NAALADL2: variants seen among roughly 807,000 people sequenced by gnomAD.
The protein encoded by NAALADL2 is N-acetylated alpha-linked acidic dipeptidase like 2.
Under a neutral mutation model 87.2 loss-of-function variants are expected in NAALADL2, and 76 were observed. That is an observed-to-expected ratio of 0.87 (90% CI 0.72 to 1.05). The LOEUF (loss-of-function observed/expected upper bound fraction) is 1.05, where lower values mean the gene tolerates loss of function less well. Among genes scored for constraint, NAALADL2 ranks in the 50% least tolerant of loss-of-function variants. The probability of loss-of-function intolerance (pLI) is 0.00; values close to 1 mark genes in which losing one functional copy is unlikely to be tolerated. For synonymous variants in NAALADL2, 354 were observed against 331.0 expected (o/e 1.07, Z -0.75); for missense variants, 1,089 against 945.8 (o/e 1.15, Z -1.99).
At chr3:174,689,018 T>G (rs1728305427) in intron 2 of NAALADL2, among the ~76,000 whole-genome samples, 1 of 152,004 alleles carries the variant, frequency 6.6e-6, no homozygotes. Context: ...AAAAAAATTA[T>G]GTAATAGAGT....
chr3:174,849,705 A>AGCCTGGGT (rs1725021400), intron 3 of NAALADL2, among the ~76,000 whole-genome samples: 1 of 141,218 alleles, frequency 7.1e-6, no homozygotes, highest in Non-Finnish European at 1.5e-5. Flanking sequence ...ATTGCACTCC[A>AGCCTGGGT]GCCTGGGTGA....
At chr3:174,663,161 A>T (rs1725662646) in intron 2 of NAALADL2, among the ~76,000 whole-genome samples, 1 of 152,178 alleles carries the variant, frequency 6.6e-6, no homozygotes, top group African/African-American at 2.4e-5. Context: ...TTAAATATTT[A>T]TATAAATATA....
chr3:175,500,128 G>C (rs1330134379), intron 9 of NAALADL2, among the ~76,000 whole-genome samples: 1 of 152,014 alleles, frequency 6.6e-6, no homozygotes, highest in African/African-American at 2.4e-5. Flanking sequence ...ATACTACAAA[G>C]AGAATTATTC....
At chr3:174,597,033 A>T (rs1441623489) in intron 2 of NAALADL2, among the ~76,000 whole-genome samples, 1 of 152,192 alleles carries the variant, frequency 6.6e-6, no homozygotes, top group Non-Finnish European at 1.5e-5. Flanking sequence ...ATCCAACACT[A>T]TCCCAAGTTC....
At chr3:174,882,644 T>C (rs1182396473) in intron 1 of NAALADL2, among the ~76,000 whole-genome samples, 4 of 139,066 alleles carry the variant, frequency 2.9e-5, no homozygotes, top group African/African-American at 9.3e-5. Context: ...TACACATATG[T>C]GCATATACAC....
intron 2 of NAALADL2, among the ~76,000 whole-genome samples, chr3:175,142,647 T>C (rs1188619624): frequency 1.3e-5 from 2 of 151,978 alleles, no homozygotes; most frequent in Admixed American, 1.3e-4. Flanking sequence ...TTCTCCTAGA[T>C]TTATTGAACT....
At chr3:175,132,619 C>T (rs1445357725) in intron 2 of NAALADL2, among the ~76,000 whole-genome samples, 2 of 123,364 alleles carry the variant, frequency 1.6e-5, no homozygotes, top group African/African-American at 3.3e-5. Flanking sequence ...GCTGACCCCC[C>T]CACCTCCCTC....
chr3:175,562,029 A>G (rs775554197), intron 9 of NAALADL2, among the ~76,000 whole-genome samples: 2 of 152,220 alleles, frequency 1.3e-5, no homozygotes, highest in Non-Finnish European at 2.9e-5. Context: ...GCCAAATTCA[A>G]CACAAAGTCT....
chr3:174,586,732 G>A (rs73042666), intron 2 of NAALADL2, among the ~76,000 whole-genome samples: 30,915 of 151,982 alleles, frequency 0.2, 3,563 homozygotes, highest in African/African-American at 0.3. Context: ...CTCTGAACAC[G>A]TATTCAGATG....
intron 2 of NAALADL2, among the ~76,000 whole-genome samples, chr3:174,731,763 A>G (rs1265250211): frequency 1.3e-5 from 2 of 152,294 alleles, no homozygotes; most frequent in East Asian, 3.9e-4. Flanking sequence ...CTGCTAGTGC[A>G]AAAACTACCT....
chr3:175,612,730 C>A (rs931090220), intron 10 of NAALADL2, among the ~76,000 whole-genome samples: 3 of 151,960 alleles, frequency 2.0e-5, no homozygotes, highest in African/African-American at 7.3e-5. Context: ...CCAGAGAGAC[C>A]AGGTTTTATT....
chr3:175,403,511 T>C (rs73881492), intron 5 of NAALADL2, among the ~76,000 whole-genome samples: 378 of 152,176 alleles, frequency 2.5e-3, no homozygotes, highest in African/African-American at 8.9e-3. Context: ...GATAGCTCAG[T>C]AAAGGAATAT....
intron 11 of NAALADL2, chr3:175,718,741 C>T (rs1741761055): frequency 9.3e-7 from 1 of 1,075,700 alleles, no homozygotes; most frequent in Non-Finnish European, 1.4e-6. Context: ...ACCTGGGCAA[C>T]ATAGCAAGAC....
intron 4 of NAALADL2, among the ~76,000 whole-genome samples, chr3:175,260,737 G>A (rs573870656): frequency 1.2e-4 from 18 of 152,188 alleles, no homozygotes; most frequent in East Asian, 3.9e-4. Flanking sequence ...CTAAATCAGC[G>A]TTTAAAAATG....
intron 3 of NAALADL2, among the ~76,000 whole-genome samples, chr3:174,791,036 G>A (rs1160344266): frequency 1.3e-5 from 2 of 152,108 alleles, no homozygotes; most frequent in Admixed American, 1.3e-4. Flanking sequence ...AGGAAAGCGT[G>A]GTGAAACAAG....
chr3:175,022,643 G>T (rs535532954), intron 1 of NAALADL2, among the ~76,000 whole-genome samples: 1 of 152,110 alleles, frequency 6.6e-6, no homozygotes, highest in Non-Finnish European at 1.5e-5. Flanking sequence ...AATCCTGTTT[G>T]TGATCCAGTT....
At chr3:175,778,952 G>A (rs1049613622) in intron 13 of NAALADL2, among the ~76,000 whole-genome samples, 2 of 152,098 alleles carry the variant, frequency 1.3e-5, no homozygotes, top group African/African-American at 4.8e-5. Context: ...GTACCTGAGA[G>A]CCATCACACA....
At chr3:174,988,656 T>G (rs1036399888) in intron 1 of NAALADL2, among the ~76,000 whole-genome samples, 1 of 152,172 alleles carries the variant, frequency 6.6e-6, no homozygotes, top group Non-Finnish European at 1.5e-5. Context: ...CTCTCCTAGC[T>G]TCTAGTAGTT....
At chr3:175,328,166 T>C (rs1760972451) in intron 5 of NAALADL2, among the ~76,000 whole-genome samples, 1 of 152,202 alleles carries the variant, frequency 6.6e-6, no homozygotes, top group Non-Finnish European at 1.5e-5. Flanking sequence ...ACTAGGATCA[T>C]GGCACCAGTC....
Sources: gnomAD v4.1 joint callset for allele counts (sites outside exome capture counted in the v4.1 genomes callset) on GRCh38, gnomAD v4.1.1 for gene constraint, MANE v1.5 for transcripts, NCBI Gene and HGNC (gene_info 2026-07-23, HGNC 2026-07-21) for gene names.